Variants in TSGA10 observed in about 807,000 individuals in gnomAD.
TSGA10 encodes the protein testis specific 10, also known as testis-specific gene 10 protein.
In TSGA10, 43 loss-of-function variants were observed where a neutral mutation model predicts 96.6. That is an observed-to-expected ratio of 0.44 (90% CI 0.35 to 0.57). The LOEUF (loss-of-function observed/expected upper bound fraction) is 0.57. Ranked by LOEUF, TSGA10 falls within the 20% of genes least tolerant of loss-of-function variation. The pLI is 0.01. For synonymous variants in TSGA10, 229 were observed against 269.9 expected (o/e 0.85, Z 1.48); for missense variants, 703 against 834.4 (o/e 0.84, Z 1.94).
At chr2:99,121,664 G>T (rs1048087444) in intron 2 of TSGA10, among the ~76,000 whole-genome samples, 1 of 151,920 alleles carries the variant, frequency 6.6e-6, no homozygotes, top group Non-Finnish European at 1.5e-5. Flanking sequence ...TAGAGATGGG[G>T]TTTTGCCATG....
intron 16 of TSGA10, among the ~76,000 whole-genome samples, chr2:99,051,819 A>C (rs2083420355): frequency 6.6e-6 from 1 of 152,074 alleles, no homozygotes; most frequent in Non-Finnish European, 1.5e-5. Context: ...AGAAATGAAT[A>C]ACAGAAAAAA....
intron 4 of TSGA10, among the ~76,000 whole-genome samples, chr2:99,112,026 T>C (rs1366764060): frequency 6.6e-6 from 1 of 152,188 alleles, no homozygotes; most frequent in Non-Finnish European, 1.5e-5. Context: ...TTTACTTTTC[T>C]ATATGGACTA....
At position 99,136,624 on chromosome 2, in the gene TSGA10, C is replaced by T. The variant is rs1277634907; in HGVS notation, c.-620-9448G>A. 1.1e-4 allele frequency among the ~76,000 whole-genome samples: 5 copies of T among 46,252 alleles called. 2 individuals carry two copies. The highest frequency in any genetic ancestry group is 2.9e-4 in the Non-Finnish European group (5 of 17,366). 30.3% of individuals were successfully genotyped at this position (46,252 alleles called of 152,430 possible). On this transcript the variant is annotated intron_variant, in intron 1 of 20. Coordinates refer to ENST00000393483, the MANE Select transcript of TSGA10 (RefSeq NM_025244.4). The stretch of plus-strand genomic sequence containing the variant: ...CATCCCGGCTAAAACGGTGAAACCC[C>T]GTCTCTACTAAAAATACAAAAAAAA...
At chr2:99,087,256 C>T (rs1467796058) in intron 10 of TSGA10, among the ~76,000 whole-genome samples, 4 of 151,934 alleles carry the variant, frequency 2.6e-5, no homozygotes, top group African/African-American at 7.3e-5. Flanking sequence ...CCTGTAATCC[C>T]GTCACTTTGG....
chr2:99,077,127 CTTTTTTTTTTTTTTTTTTT>C (rs35876721), intron 12 of TSGA10, among the ~76,000 whole-genome samples: 5 of 70,460 alleles, frequency 7.1e-5, no homozygotes, highest in Admixed American at 6.5e-4. Flanking sequence ...GACCATTCAC[CTTTTTTTTTTTTTTTTTTT>C]TTTTTTTTTT....
intron 20 of TSGA10, 63 bp from the exon 21 acceptor site, chr2:98,998,284 A>T (rs1242722737): frequency 1.7e-5 from 24 of 1,376,092 alleles, no homozygotes; most frequent in Admixed American, 8.0e-5. Flanking sequence ...ATGTGTAACA[A>T]ATTTATTCTA....
chr2:99,050,159 A>AG (rs1440455350), intron 16 of TSGA10, among the ~76,000 whole-genome samples: 1 of 152,160 alleles, frequency 6.6e-6, no homozygotes, highest in Non-Finnish European at 1.5e-5. Flanking sequence ...CAGAAATGGG[A>AG]GGGCGAGGGA....
chr2:99,090,085 AG>A (rs1315382464), intron 10 of TSGA10, among the ~76,000 whole-genome samples: 1 of 152,218 alleles, frequency 6.6e-6, no homozygotes, highest in Non-Finnish European at 1.5e-5. Flanking sequence ...TTCATATCAC[AG>A]GACTCTGTAC....
intron 16 of TSGA10, among the ~76,000 whole-genome samples, chr2:99,053,742 A>G (rs2083660210): frequency 6.6e-6 from 1 of 152,234 alleles, no homozygotes; most frequent in Non-Finnish European, 1.5e-5. Flanking sequence ...AAATCAACAT[A>G]CAAAGATCAG....
At chr2:99,112,356 CTTGAG>C (rs749859263) in intron 4 of TSGA10, among the ~76,000 whole-genome samples, 19 of 152,228 alleles carry the variant, frequency 1.2e-4, no homozygotes, top group East Asian at 1.9e-4. Flanking sequence ...GTTCTAAGCA[CTTGAG>C]TTAAGTAAAC....
At chr2:99,077,308 C>A (rs1245340473) in intron 12 of TSGA10, among the ~76,000 whole-genome samples, 1 of 151,614 alleles carries the variant, frequency 6.6e-6, no homozygotes, top group Non-Finnish European at 1.5e-5. Flanking sequence ...GCCCCTGCCT[C>A]ACCCTCAGTT....
chr2:99,077,163 C>CA (rs1354710024), intron 12 of TSGA10, among the ~76,000 whole-genome samples: 1 of 76,790 alleles, frequency 1.3e-5, no homozygotes, highest in Non-Finnish European at 2.3e-5. Flanking sequence ...TTTTTTGAGA[C>CA]AGAGTCTTGC....
chr2:99,005,846 G>C (rs1008177950), intron 20 of TSGA10, among the ~76,000 whole-genome samples: 3 of 152,150 alleles, frequency 2.0e-5, no homozygotes, highest in Non-Finnish European at 4.4e-5. Context: ...GCAATCCTAA[G>C]TCAAAAGAAC....
At chr2:99,126,145 G>A (rs1392981956) in intron 2 of TSGA10, 1 of 152,454 alleles carries the variant, frequency 6.6e-6, no homozygotes, top group Non-Finnish European at 1.5e-5. Flanking sequence ...GTGTGTAGGT[G>A]AGGCACAAGT....
intron 12 of TSGA10, among the ~76,000 whole-genome samples, chr2:99,074,376 G>GTGTGTGTGTGT (rs2086421502): frequency 6.6e-6 from 1 of 150,870 alleles, no homozygotes; most frequent in Admixed American, 6.6e-5. Flanking sequence ...GTGTGTGTGT[G>GTGTGTGTGTGT]CTATCTTCCT....
At chr2:99,036,113 G>T (rs760628349) in intron 16 of TSGA10, among the ~76,000 whole-genome samples, 1 of 151,984 alleles carries the variant, frequency 6.6e-6, no homozygotes, top group Admixed American at 6.6e-5. Context: ...TAAGTGCACT[G>T]CCACCTACAG....
intron 2 of TSGA10, 99 bp downstream of exon 2, chr2:99,126,949 G>GAGCT: frequency 9.4e-7 from 1 of 1,063,572 alleles, no homozygotes. Flanking sequence ...ACATTTAAAT[G>GAGCT]AGCTCTGAAT....
intron 10 of TSGA10, among the ~76,000 whole-genome samples, chr2:99,094,022 T>C (rs2104708823): frequency 6.6e-6 from 1 of 152,120 alleles, no homozygotes; most frequent in Non-Finnish European, 1.5e-5. Flanking sequence ...GCTACAGTTA[T>C]CAAAAAAGCA....
At chr2:99,120,537 C>T (rs1045908123) in intron 2 of TSGA10, among the ~76,000 whole-genome samples, 8 of 152,100 alleles carry the variant, frequency 5.3e-5, no homozygotes, top group African/African-American at 1.9e-4. Context: ...TGTCATTAGA[C>T]ATTATATAAG....
Sources: allele counts gnomAD v4.1 joint callset (sites outside exome capture counted in the v4.1 genomes callset), GRCh38; gene constraint gnomAD v4.1.1; transcripts MANE v1.5; gene names NCBI Gene and HGNC (gene_info 2026-07-23, HGNC 2026-07-21).